The following NUDCD1 variants were observed in gnomAD, a reference collection of about 807,000 sequenced individuals.
NUDCD1 encodes the protein NudC domain containing 1.
Under a neutral mutation model 67.8 loss-of-function variants are expected in NUDCD1, and 60 were observed. That is an observed-to-expected ratio of 0.88 (90% CI 0.72 to 1.10). NUDCD1 has a LOEUF of 1.10. Ranked by LOEUF, NUDCD1 falls within the 50% of genes least tolerant of loss-of-function variation. The pLI is 0.00. For synonymous variants in NUDCD1, 244 were observed against 230.8 expected, an observed-to-expected ratio of 1.06 and a Z score of -0.52; for missense variants, 643 against 695.0, an observed-to-expected ratio of 0.93 and a Z score of 0.84.
At chr8:109,251,046 T>C (rs1207212462) in intron 8 of NUDCD1, among the ~76,000 whole-genome samples, 1 of 152,200 alleles carries the variant, frequency 6.6e-6, no homozygotes. Flanking sequence ...TTGGTATTGT[T>C]TCTTCATTTG....
intron 2 of NUDCD1, among the ~76,000 whole-genome samples, chr8:109,308,188 C>T (rs984922764): frequency 6.6e-5 from 10 of 152,130 alleles, no homozygotes; most frequent in African/African-American, 9.7e-5. Flanking sequence ...TTCAAAACCA[C>T]GTAAATACAT....
intron 8 of NUDCD1, among the ~76,000 whole-genome samples, chr8:109,267,793 T>C (rs1418547120): frequency 6.6e-6 from 1 of 152,218 alleles, no homozygotes; most frequent in Non-Finnish European, 1.5e-5. Context: ...TATTTGTTTA[T>C]TTCTTAAGTT....
intron 6 of NUDCD1, among the ~76,000 whole-genome samples, chr8:109,280,455 T>C (rs1201951844): frequency 6.6e-6 from 1 of 152,268 alleles, no homozygotes; most frequent in Non-Finnish European, 1.5e-5. Context: ...CCGCCAAAAG[T>C]AGTTTTCCTT....
At chr8:109,245,200 G>A (rs968911378) in intron 9 of NUDCD1, 122 bp downstream of exon 9, 20 of 899,656 alleles carry the variant, frequency 2.2e-5, no homozygotes, top group African/African-American at 1.0e-4. Flanking sequence ...AAATCATAGC[G>A]CAAATCAATC....
At chr8:109,263,869 TAAATTACTGC>T (rs1813927465) in intron 8 of NUDCD1, among the ~76,000 whole-genome samples, 1 of 152,196 alleles carries the variant, frequency 6.6e-6, no homozygotes, top group Non-Finnish European at 1.5e-5. Flanking sequence ...AGTGATAGCA[TAAATTACTGC>T]AAATAATAGC....
chr8:109,328,471 A>G (rs1815729165), intron 1 of NUDCD1, among the ~76,000 whole-genome samples: 1 of 152,168 alleles, frequency 6.6e-6, no homozygotes, highest in Non-Finnish European at 1.5e-5. Flanking sequence ...GTCTGCCTCA[A>G]GTACTCAAGA....
At chr8:109,307,440 T>C (rs1815135413) in intron 2 of NUDCD1, among the ~76,000 whole-genome samples, 2 of 152,214 alleles carry the variant, frequency 1.3e-5, no homozygotes, top group South Asian at 4.1e-4. Flanking sequence ...GGTGGTCTCT[T>C]TACACGGACG....
intron 8 of NUDCD1, among the ~76,000 whole-genome samples, chr8:109,262,970 G>T (rs988310229): frequency 7.1e-6 from 1 of 140,680 alleles, no homozygotes; most frequent in Non-Finnish European, 1.5e-5. Context: ...CAGGAGAATC[G>T]CTTGAACCTG....
chr8:109,281,974 C>G (rs1013690397), intron 5 of NUDCD1, among the ~76,000 whole-genome samples: 6 of 152,190 alleles, frequency 3.9e-5, no homozygotes, highest in Non-Finnish European at 7.4e-5. Context: ...GCACCTGGAG[C>G]TCTCCTAGAT....
At chr8:109,275,126 G>A (rs1453884555) in intron 7 of NUDCD1, among the ~76,000 whole-genome samples, 1 of 151,836 alleles carries the variant, frequency 6.6e-6, no homozygotes, top group Non-Finnish European at 1.5e-5. Context: ...ACAGATACAG[G>A]CAAACCCTCT....
chr8:109,306,162 T>C (rs539499924), intron 2 of NUDCD1, among the ~76,000 whole-genome samples: 21 of 152,200 alleles, frequency 1.4e-4, no homozygotes, highest in Non-Finnish European at 2.2e-4. Context: ...TTTACACTTT[T>C]CTTCCAAACT....
chr8:109,247,005 T>G (rs1265121058), intron 8 of NUDCD1, among the ~76,000 whole-genome samples: 1 of 152,132 alleles, frequency 6.6e-6, no homozygotes, highest in East Asian at 1.9e-4. Context: ...AAATAGGGCT[T>G]TTTCGTAGAG....
chr8:109,297,272 T>A (rs985665836), intron 2 of NUDCD1, among the ~76,000 whole-genome samples: 1 of 152,230 alleles, frequency 6.6e-6, no homozygotes, highest in Non-Finnish European at 1.5e-5. Context: ...GTCTGCGGTA[T>A]GAAAACACTA....
At chr8:109,271,413 G>T (rs1198974548) in intron 7 of NUDCD1, among the ~76,000 whole-genome samples, 1 of 152,104 alleles carries the variant, frequency 6.6e-6, no homozygotes, top group Non-Finnish European at 1.5e-5. Context: ...TGAACTTCTG[G>T]ATATAAAAAC....
intron 2 of NUDCD1, among the ~76,000 whole-genome samples, chr8:109,307,550 A>G (rs997287456): frequency 6.6e-6 from 1 of 152,188 alleles, no homozygotes; most frequent in African/African-American, 2.4e-5. Flanking sequence ...AGCATAAATC[A>G]CACAGGACCT....
At position 109,296,427 on chromosome 8, in the gene NUDCD1, A is replaced by G. The variant is rs756721663; in HGVS notation, c.416T>C (p.Ile139Thr). 9 of 1,613,538 alleles carry G rather than the reference A, an allele frequency of 5.6e-6. No homozygotes were observed. Among genetic ancestry groups the G allele is most frequent in the Middle Eastern group, 1.6e-4 (1 of 6,084 alleles). Residue 139 changes from isoleucine to threonine, a missense_variant, in exon 3 of 10, where the codon ATT becomes ACT. Transcript: ENST00000239690. ...LSDGTGRLYV[I>T]GTGERGNSAS... ...GCTATTTCCACGTTCACCTGTTCCA[A>G]TGACATACAATCTTCCAGTTCCATC...
At chr8:109,286,811 CA>C (rs1189007782) in intron 5 of NUDCD1, among the ~76,000 whole-genome samples, 1 of 152,016 alleles carries the variant, frequency 6.6e-6, no homozygotes, top group Admixed American at 6.6e-5. Flanking sequence ...TCCTCCACAG[CA>C]AAAGAAACTA....
chr8:109,327,823 A>T (rs565650403), intron 1 of NUDCD1, among the ~76,000 whole-genome samples: 1 of 152,284 alleles, frequency 6.6e-6, no homozygotes, highest in South Asian at 2.1e-4. Context: ...ACAAATAAAA[A>T]AGGCTTCCTT....
intron 1 of NUDCD1, among the ~76,000 whole-genome samples, chr8:109,328,486 T>TA (rs968728593): frequency 6.6e-6 from 1 of 152,150 alleles, no homozygotes; most frequent in African/African-American, 2.4e-5. Context: ...TCAAGAGTAC[T>TA]AATGGCATGT....
Sources: gnomAD v4.1 joint callset for allele counts (sites outside exome capture counted in the v4.1 genomes callset) on GRCh38, gnomAD v4.1.1 for gene constraint, MANE v1.5 for transcripts, NCBI Gene and HGNC (gene_info 2026-07-23, HGNC 2026-07-21) for gene names.